Variants in ANGPTL2 observed in about 807,000 individuals in gnomAD.
The protein encoded by ANGPTL2 is angiopoietin-related protein 2.
Under a neutral mutation model 52.8 loss-of-function variants are expected in ANGPTL2, and 25 were observed. That is an observed-to-expected ratio of 0.47 (90% confidence interval 0.35 to 0.66). The LOEUF is 0.66. ANGPTL2 is among the 30% of genes least tolerant of loss of function. The pLI is 0.01. For missense variants in ANGPTL2, 546 were observed against 656.9 expected (o/e 0.83, Z 1.84); for synonymous variants, 276 against 277.4 (o/e 1.00, Z 0.05).
chr9:127,100,180 AAATT>A (rs1325687127), intron 2 of ANGPTL2, among the ~76,000 whole-genome samples: 4 of 152,228 alleles, frequency 2.6e-5, no homozygotes, highest in Non-Finnish European at 5.9e-5. Context: ...ATCCAACCAT[AAATT>A]AATTGAGTTA....
intron 1 of ANGPTL2, among the ~76,000 whole-genome samples, chr9:127,110,455 T>G (rs924066034): frequency 6.6e-6 from 1 of 152,166 alleles, no homozygotes; most frequent in Non-Finnish European, 1.5e-5. Context: ...TCCTCAGAAT[T>G]TTCTTTACCT....
chr9:127,089,929 T>G (rs1227959051), intron 4 of ANGPTL2, among the ~76,000 whole-genome samples: 1 of 152,178 alleles, frequency 6.6e-6, no homozygotes, highest in Non-Finnish European at 1.5e-5. Flanking sequence ...GGGGACCCCG[T>G]ACTCAGGGGA....
At position 127,089,026 on chromosome 9, in the gene ANGPTL2, T is replaced by C. The variant is rs753141192; in HGVS notation, c.1395A>G (p.Gly465=). The change falls in exon 5 of 5, where the codon GGA becomes GGG. Residue 465 remains glycine, a synonymous_variant. Transcript: ENST00000373425. ...CTCCTCGGAACTCAGCCCAGTAGAC[T>C]CCGTCCTGGTAGCGGCTCCGGTAAT... ...GGHYRSRYQD[G]VYWAEFRGGS... The C allele has an allele frequency of 5.6e-6, 9 of 1,614,152 alleles. No individual in the cohort carries two copies. The highest frequency in any genetic ancestry group is 7.6e-6 in the Non-Finnish European group (9 of 1,180,024).
At chr9:127,111,952 A>T (rs1214628267) in intron 1 of ANGPTL2, among the ~76,000 whole-genome samples, 1 of 152,266 alleles carries the variant, frequency 6.6e-6, no homozygotes, top group Non-Finnish European at 1.5e-5. Context: ...TGCTAAAATA[A>T]CAAGTATGAC....
Position 127,091,951 on chromosome 9 carries a change from C to A in ANGPTL2, c.1012-11G>T, listed in dbSNP as rs1452172210. ...GTTCCCAAACCCTTGCTGGGGAAAACCCAGGAGAGTGTTAATGTGGAGCCT... is the reference window on the plus strand; with the variant it reads ...GTTCCCAAACCCTTGCTGGGGAAAAACCAGGAGAGTGTTAATGTGGAGCCT... On this transcript the variant is annotated splice_polypyrimidine_tract_variant and intron_variant, in intron 3 of 4. Coordinates refer to ENST00000373425, the MANE Select transcript of ANGPTL2 (RefSeq NM_012098.3). The surrounding 1 kb of genome is among the most constrained non-coding windows in gnomAD (Gnocchi z 4.3). The A allele has an allele frequency of 6.2e-7, 1 of 1,612,730 alleles. No individual in the cohort carries two copies. The highest frequency in any genetic ancestry group is 8.5e-7 in the Non-Finnish European group (1 of 1,179,034).
intron 4 of ANGPTL2, 89 bp from the exon 5 acceptor site, chr9:127,089,227 C>T: frequency 7.2e-7 from 1 of 1,397,866 alleles, no homozygotes. Flanking sequence ...AAAGCCCTCT[C>T]TGGGAGGCAT....
chr9:127,088,913 A>G lies in ANGPTL2; in HGVS notation c.*26T>C, dbSNP rs750508917. ...CCAGGGTGGGCTCCTGGCAATGGCC[A>G]CGAGAGGTCAGGAGGGGGAGCTGGC... is the stretch of plus-strand genomic sequence containing the variant. On this transcript the variant is annotated 3_prime_UTR_variant, in exon 5 of 5. Coordinates refer to ENST00000373425, the MANE Select transcript of ANGPTL2 (RefSeq NM_012098.3). 6.2e-7 allele frequency: 1 copy of G among 1,614,122 alleles called. No individual in the cohort carries two copies. The highest frequency in any genetic ancestry group is 1.1e-5 in the South Asian group (1 of 91,072).
In ANGPTL2 at chr9:127,122,598, GGGGTCCATCCTCA is replaced by G. The variant is rs1358961646; in HGVS notation, c.-346_-334del. ...GCCACGCTCGGCAGGTCCAGGGCTT[GGGGTCCATCCTCA>G]GGCCGTCCGCAGCAGCCTCATTTGA... On this transcript the variant is annotated 5_prime_UTR_variant, in exon 1 of 5. It removes an upstream start codon present in the reference 5' UTR. Coordinates refer to ENST00000373425, the MANE Select transcript of ANGPTL2 (RefSeq NM_012098.3). The surrounding 1 kb of genome is among the most constrained non-coding windows in gnomAD (Gnocchi z 6.4). 3.3e-5 allele frequency: 5 copies of G among 153,086 alleles called. No homozygotes were observed. In the East Asian group the frequency reaches 7.7e-4, roughly 24 times the overall value. The allele number at this position is 153,086 out of a possible 1,614,324, so 9.5% of individuals were successfully genotyped here. A position where few individuals can be genotyped will look rare whatever the true frequency, so the allele number is the denominator to read the frequency against.
intron 2 of ANGPTL2, among the ~76,000 whole-genome samples, chr9:127,099,627 G>A (rs1386159084): frequency 2.0e-5 from 3 of 152,184 alleles, no homozygotes; most frequent in African/African-American, 7.2e-5. Context: ...GCAGTTATTG[G>A]GGGTCTTCGA....
At position 127,108,518 on chromosome 9, in the gene ANGPTL2, T is replaced by A. The variant is rs1312469606; in HGVS notation, c.214A>T (p.Asn72Tyr). Reference sequence around the variant, plus strand: ...AGAAGCACCTCAGGCTCCTTGGAGTTGACGCAGATGGCACCCGTGACCCGC... The same window carrying A: ...AGAAGCACCTCAGGCTCCTTGGAGTAGACGCAGATGGCACCCGTGACCCGC... ...QQRVTGAICV[N>Y]SKEPEVLLEN... is the part of the protein sequence containing the mutation. The change falls in exon 2 of 5, where the codon AAC (asparagine) becomes TAC (tyrosine). Residue 72 changes from asparagine (N) to tyrosine (Y), a missense_variant. By Grantham distance (143) the Asn-to-Tyr change is moderately radical. This residue lies in a region of ANGPTL2 where 285 missense variants were observed against 295.8 expected (regional missense o/e 0.96). Coordinates refer to ENST00000373425, the MANE Select transcript of ANGPTL2 (RefSeq NM_012098.3). The A allele has an allele frequency of 1.2e-6, 2 of 1,612,890 alleles. No individual in the cohort carries two copies. The highest frequency in any genetic ancestry group is 3.3e-5 in the Admixed American group (2 of 59,916).
chr9:127,109,049 A>G (rs892161147), intron 1 of ANGPTL2, among the ~76,000 whole-genome samples: 1 of 152,204 alleles, frequency 6.6e-6, no homozygotes, highest in African/African-American at 2.4e-5. Context: ...TCCCAGAGCC[A>G]GCTCCAATGC....
intron 1 of ANGPTL2, among the ~76,000 whole-genome samples, chr9:127,118,232 C>T (rs1477840091): frequency 1.1e-4 from 16 of 152,112 alleles, no homozygotes; most frequent in Admixed American, 1.0e-3. Context: ...GTACATGTGA[C>T]AGGCCATCGT....
At position 127,087,375 on chromosome 9, in the gene ANGPTL2, C is replaced by T. The variant is rs1169286052; in HGVS notation, c.*1564G>A. On this transcript the variant is annotated 3_prime_UTR_variant, in exon 5 of 5. Transcript: ENST00000373425. Reference sequence around the variant, plus strand: ...GCACTGATGGCTTTTATTGCAGATTCGTGTCATTACAAGGATAATCTGGGA... The same window carrying T: ...GCACTGATGGCTTTTATTGCAGATTTGTGTCATTACAAGGATAATCTGGGA... 5 of 152,468 alleles carry T rather than the reference C, an allele frequency of 3.3e-5. No homozygotes were observed. Among genetic ancestry groups the T allele is most frequent in the East Asian group, 3.9e-4 (2 of 5,190 alleles). 9.4% of individuals were successfully genotyped at this position (152,468 alleles called of 1,614,324 possible). A position where few individuals can be genotyped will look rare whatever the true frequency, so the allele number is the denominator to read the frequency against.
At chr9:127,100,313 T>A (rs1475483965) in intron 2 of ANGPTL2, among the ~76,000 whole-genome samples, 2 of 152,184 alleles carry the variant, frequency 1.3e-5, no homozygotes, top group African/African-American at 4.8e-5. Context: ...GCCTGAGGCC[T>A]CTCAAGTAAG....
chr9:127,093,736 G>T lies in ANGPTL2; in HGVS notation c.1008C>A (p.Tyr336Ter). The T allele has an allele frequency of 3.7e-6, 6 of 1,614,054 alleles. No homozygotes were observed. Among genetic ancestry groups the T allele is most frequent in the Non-Finnish European group, 5.1e-6 (6 of 1,179,978 alleles). The change falls in exon 3 of 5, where the codon TAC becomes TAA. Residue 336 changes from tyrosine (Y) to a stop codon, truncating the protein, a stop_gained. Transcript: ENST00000373425. LOFTEE classifies it high-confidence loss of function. The part of the protein sequence containing the change: ...SVNFFRNWET[Y>*]KQGFGNIDGE... ...GACATCCCCTGCCGAGTCTCACCTT[G>T]TACGTCTCCCAGTTCCTGAAGAAGT...
chr9:127,110,177 A>C (rs1282742359), intron 1 of ANGPTL2, among the ~76,000 whole-genome samples: 1 of 152,044 alleles, frequency 6.6e-6, no homozygotes, highest in Non-Finnish European at 1.5e-5. Flanking sequence ...TCTTGAGCCC[A>C]CCCTCATCAG....
intron 2 of ANGPTL2, among the ~76,000 whole-genome samples, chr9:127,101,518 CTTCACCAT>C (rs1487026693): frequency 9.9e-5 from 15 of 152,202 alleles, no homozygotes; most frequent in African/African-American, 3.6e-4. Flanking sequence ...ACCCTCCATC[CTTCACCAT>C]CCTGAGCTGC....
intron 1 of ANGPTL2, among the ~76,000 whole-genome samples, chr9:127,115,387 G>A (rs1056203317): frequency 2.0e-5 from 3 of 152,048 alleles, no homozygotes; most frequent in Non-Finnish European, 4.4e-5. Flanking sequence ...ACAGGGTTTC[G>A]CCATGCTGGT....
rs372321747 is a variant in ANGPTL2, at chr9:127,100,420, T to C, written c.818-6494A>G. Among the ~76,000 whole-genome samples the C allele has an allele frequency of 2.6e-5, 4 of 152,348 alleles. 1 individual carries two copies. The highest frequency in any genetic ancestry group is 9.6e-5 in the African/African-American group (4 of 41,584). Reference sequence around the variant, plus strand: ...TGCAGCACTACTTTCCAGAGGCCACTGTCCAAAGCATTGCGTCGCTCTTAG... The same window carrying C: ...TGCAGCACTACTTTCCAGAGGCCACCGTCCAAAGCATTGCGTCGCTCTTAG... On this transcript the variant is annotated intron_variant, in intron 2 of 4. Coordinates refer to ENST00000373425, the MANE Select transcript of ANGPTL2 (RefSeq NM_012098.3).
Sources: allele counts gnomAD v4.1 joint callset (sites outside exome capture counted in the v4.1 genomes callset), GRCh38; gene constraint gnomAD v4.1.1; regional missense constraint gnomAD v4.1.1; non-coding constraint Gnocchi (gnomAD v3.1); transcripts MANE v1.5; gene names NCBI Gene and HGNC (gene_info 2026-07-23, HGNC 2026-07-21).